CALN1: variants seen among roughly 807,000 people sequenced by gnomAD.
CALN1 encodes calcium-binding protein 8.
Under a neutral mutation model 30.6 loss-of-function variants are expected in CALN1, and 17 were observed. The ratio of observed to expected loss-of-function variants is 0.56; its 90% CI spans 0.38 to 0.83. The LOEUF is 0.83. Among genes scored for constraint, CALN1 ranks in the 40% least tolerant of loss-of-function variants. CALN1 has a pLI of 0.00. For missense variants in CALN1, 291 were observed against 354.9 expected (o/e 0.82, Z 1.45); for synonymous variants, 156 against 131.4 (o/e 1.19, Z -1.28).
intron 2 of CALN1, among the ~76,000 whole-genome samples, chr7:72,282,591 G>A (rs2129554287): frequency 6.6e-6 from 1 of 152,262 alleles, no homozygotes; most frequent in African/African-American, 2.4e-5. Context: ...CAGCAACAAG[G>A]CAGCATCCTG....
At chr7:72,270,082 T>G (rs1796873699) in intron 3 of CALN1, among the ~76,000 whole-genome samples, 1 of 152,008 alleles carries the variant, frequency 6.6e-6, no homozygotes, top group East Asian at 1.9e-4. Context: ...GAAAAAAATT[T>G]GGGTGTTTCC....
chr7:72,017,099 G>C (rs1800434212), intron 5 of CALN1, among the ~76,000 whole-genome samples: 1 of 149,596 alleles, frequency 6.7e-6, no homozygotes, highest in Admixed American at 6.7e-5. Flanking sequence ...GGGAGATGGA[G>C]GCTGCAGTGA....
At chr7:72,302,613 G>T (rs1441075890) in intron 2 of CALN1, among the ~76,000 whole-genome samples, 1 of 152,052 alleles carries the variant, frequency 6.6e-6, no homozygotes, top group Non-Finnish European at 1.5e-5. Flanking sequence ...ACGAAAACAG[G>T]ATGAGCGCAG....
At chr7:72,367,458 T>C (rs188681470) in intron 2 of CALN1, among the ~76,000 whole-genome samples, 99 of 152,142 alleles carry the variant, frequency 6.5e-4, no homozygotes, top group African/African-American at 2.2e-3. Context: ...CTCCTGTCTC[T>C]GCAAAAATAA....
At chr7:72,322,597 G>T (rs1164894954) in intron 2 of CALN1, among the ~76,000 whole-genome samples, 1 of 151,980 alleles carries the variant, frequency 6.6e-6, no homozygotes, top group African/African-American at 2.4e-5. Flanking sequence ...CTATTTGTGG[G>T]AACTAAAAAT....
intron 2 of CALN1, among the ~76,000 whole-genome samples, chr7:72,301,740 C>CCCTACAATGAAG (rs1372422904): frequency 1.3e-5 from 2 of 151,900 alleles, no homozygotes; most frequent in Non-Finnish European, 1.5e-5. Flanking sequence ...CAGTCTTGAA[C>CCCTACAATGAAG]CCTACAATGA....
chr7:72,295,923 G>A (rs971191248), intron 2 of CALN1, among the ~76,000 whole-genome samples: 3 of 151,736 alleles, frequency 2.0e-5, no homozygotes, highest in African/African-American at 7.3e-5. Context: ...GGTGAGAGAG[G>A]GCATCCCTGT....
intron 1 of CALN1, among the ~76,000 whole-genome samples, chr7:72,410,013 AT>A (rs1283472889): frequency 6.6e-6 from 1 of 152,174 alleles, no homozygotes; most frequent in Non-Finnish European, 1.5e-5. Context: ...AAAAGAATTT[AT>A]TTTTGTTATA....
chr7:72,230,847 T>C (rs1429561747), intron 3 of CALN1, among the ~76,000 whole-genome samples: 1 of 152,196 alleles, frequency 6.6e-6, no homozygotes, highest in Non-Finnish European at 1.5e-5. Context: ...CGTTTCCCCA[T>C]CACCCACAGC....
chr7:72,203,714 G>T (rs143456790), intron 3 of CALN1, among the ~76,000 whole-genome samples: 3 of 152,216 alleles, frequency 2.0e-5, no homozygotes, highest in Non-Finnish European at 4.4e-5. Flanking sequence ...AATACAAAGA[G>T]CTTTATTCCT....
At chr7:72,381,625 TCA>T (rs1472759689) in intron 2 of CALN1, among the ~76,000 whole-genome samples, 2 of 152,304 alleles carry the variant, frequency 1.3e-5, no homozygotes, top group Non-Finnish European at 2.9e-5. Context: ...CCCCGTGTTC[TCA>T]CTCATAAGCG....
At chr7:72,396,235 T>TGAAAAAAA (rs1185933549) in intron 2 of CALN1, among the ~76,000 whole-genome samples, 2 of 53,344 alleles carry the variant, frequency 3.7e-5, no homozygotes, top group Admixed American at 4.7e-4. Flanking sequence ...TTGTCTCTAC[T>TGAAAAAAA]AAAAAAAAAA....
At chr7:72,278,925 G>C (rs1019376970) in intron 2 of CALN1, 115 bp from the exon 3 acceptor site, 1 of 1,368,484 alleles carries the variant, frequency 7.3e-7, no homozygotes, top group Non-Finnish European at 9.9e-7. Flanking sequence ...AAAAATAGCA[G>C]TAATATTTCT....
chr7:72,142,585 T>C (rs1312970907), intron 3 of CALN1, among the ~76,000 whole-genome samples: 2 of 152,212 alleles, frequency 1.3e-5, no homozygotes, highest in Admixed American at 6.5e-5. Flanking sequence ...CAGAAACTTC[T>C]GCAGACTTAA....
chr7:72,487,767 A>G, the CALN1 span, among the ~76,000 whole-genome samples: 162 of 131,014 alleles, frequency 1.2e-3, no homozygotes, highest in African/African-American at 1.8e-3. Flanking sequence ...GGAAGGGTAA[A>G]GAAAGAAAGA....
intron 2 of CALN1, among the ~76,000 whole-genome samples, chr7:72,388,570 G>A (rs1040185528): frequency 1.1e-4 from 16 of 152,166 alleles, no homozygotes; most frequent in African/African-American, 3.6e-4. Flanking sequence ...GGGGATATGG[G>A]CACTCTGTGC....
chr7:72,284,893 AGATT>A (rs1304119332), intron 2 of CALN1, among the ~76,000 whole-genome samples: 4 of 152,024 alleles, frequency 2.6e-5, no homozygotes, highest in African/African-American at 9.7e-5. Context: ...ATAGATAGAT[AGATT>A]CTGTTTCTTT....
intron 2 of CALN1, among the ~76,000 whole-genome samples, chr7:72,328,066 G>A (rs750626023): frequency 6.6e-6 from 1 of 151,698 alleles, no homozygotes; most frequent in Non-Finnish European, 1.5e-5. Context: ...GAAGAAAGGT[G>A]CCTTCCAAGT....
Position 72,223,325 on chromosome 7 carries a change from A to C in CALN1, c.244+55361T>G, listed in dbSNP as rs146143844. On this transcript the variant is annotated intron_variant, in intron 3 of 6. Transcript: ENST00000395275. ...GAAGGAATGACTTCCAAGTCACTGG[A>C]GGAGGGAAAATACAAAGGAAACATC... Among the ~76,000 whole-genome samples the C allele has an allele frequency of 1.2e-3, 185 of 152,276 alleles. 2 individuals carry two copies. The East Asian group carries it at 0.012, about 10-fold the overall frequency.
Sources: allele counts gnomAD v4.1 joint callset (sites outside exome capture counted in the v4.1 genomes callset), GRCh38; gene constraint gnomAD v4.1.1; transcripts MANE v1.5; gene names NCBI Gene and HGNC (gene_info 2026-07-23, HGNC 2026-07-21).